Variants in TP53I11 observed in about 807,000 individuals in gnomAD.
The protein encoded by TP53I11 is tumor protein p53-inducible protein 11.
Under a neutral mutation model 23.3 loss-of-function variants are expected in TP53I11, and 9 were observed. The observed-to-expected ratio is 0.39, with a 90% CI of 0.23 to 0.67. TP53I11 has a LOEUF of 0.67. Ranked by LOEUF, TP53I11 falls within the 30% of genes least tolerant of loss-of-function variation. The pLI is 0.48. For synonymous variants in TP53I11, 100 were observed against 106.1 expected (o/e 0.94, Z 0.35); for missense variants, 170 against 255.2 (o/e 0.67, Z 2.27).
intron 1 of TP53I11, among the ~76,000 whole-genome samples, chr11:44,942,294 CCA>C (rs1388983872): frequency 2.8e-5 from 4 of 144,858 alleles, no homozygotes; most frequent in East Asian, 4.2e-4. Context: ...ACACCACATA[CCA>C]CACACCACAC....
intron 1 of TP53I11, among the ~76,000 whole-genome samples, chr11:44,942,041 A>AC (rs1334040968): frequency 6.0e-4 from 5 of 8,356 alleles, no homozygotes; most frequent in African/African-American, 9.1e-4. Flanking sequence ...CACCACACAC[A>AC]TACACACCAC....
chr11:44,940,024 C>G (rs1861602342), intron 1 of TP53I11, among the ~76,000 whole-genome samples: 2 of 152,244 alleles, frequency 1.3e-5, no homozygotes, highest in South Asian at 4.1e-4. Context: ...CAGGGCCTAA[C>G]CTTTCATCAC....
intron 1 of TP53I11, among the ~76,000 whole-genome samples, chr11:44,949,189 T>C (rs1303739307): frequency 1.3e-5 from 2 of 152,172 alleles, no homozygotes; most frequent in Non-Finnish European, 2.9e-5. Flanking sequence ...TTTTCTCTCC[T>C]TTCTCGAAGT....
chr11:44,938,756 G>A (rs917170961), intron 1 of TP53I11, among the ~76,000 whole-genome samples: 6 of 152,132 alleles, frequency 3.9e-5, no homozygotes, highest in East Asian at 1.9e-4. Context: ...TAGAAAAGGG[G>A]AGGGTCTGTC....
intron 6 of TP53I11, among the ~76,000 whole-genome samples, 198 bp downstream of exon 6, chr11:44,935,363 G>C (rs1376711216): frequency 6.6e-6 from 1 of 152,170 alleles, no homozygotes; most frequent in African/African-American, 2.4e-5. Context: ...GAAGCTACAG[G>C]CACGTGTGTT....
At chr11:44,941,573 T>C (rs1211573563) in intron 1 of TP53I11, among the ~76,000 whole-genome samples, 1 of 152,098 alleles carries the variant, frequency 6.6e-6, no homozygotes, top group East Asian at 1.9e-4. Context: ...AGGTGTCCTA[T>C]CTTATAGAGA....
At chr11:44,942,938 C>A (rs1733622911) in intron 1 of TP53I11, among the ~76,000 whole-genome samples, 1 of 152,220 alleles carries the variant, frequency 6.6e-6, no homozygotes, top group South Asian at 2.1e-4. Context: ...ACCTTTCCTC[C>A]CCTTCAGGGC....
intron 4 of TP53I11, 73 bp downstream of exon 4, chr11:44,937,231 C>A (rs1178345130): frequency 6.6e-7 from 1 of 1,517,690 alleles, no homozygotes; most frequent in Non-Finnish European, 8.9e-7. Flanking sequence ...GGAGGAGGCA[C>A]CTCTGGTGAG....
Position 44,936,285 on chromosome 11 carries a change from A to C in TP53I11, c.334+518T>G. The C allele has an allele frequency of 9.0e-7, 1 of 1,115,902 alleles. No individual in the cohort carries two copies. 69.1% of individuals were successfully genotyped at this position (1,115,902 alleles called of 1,614,324 possible). Reference sequence around the variant, plus strand: ...GAGCTCAGCCTTTATTCTGTAGGCAATAGGGAGCCATAGAATATTTCGTAG... The same window carrying C: ...GAGCTCAGCCTTTATTCTGTAGGCACTAGGGAGCCATAGAATATTTCGTAG... On this transcript the variant is annotated intron_variant, in intron 5 of 6. Coordinates refer to ENST00000525680, the MANE Select transcript of TP53I11 (RefSeq NM_006034.5). This position sits in a 1 kb window ranked among gnomAD's most constrained non-coding sequence, Gnocchi z 4.4.
At chr11:44,935,214 T>A (rs1328292876) in intron 6 of TP53I11, among the ~76,000 whole-genome samples, 197 bp from the exon 7 acceptor site, 1 of 152,168 alleles carries the variant, frequency 6.6e-6, no homozygotes, top group Non-Finnish European at 1.5e-5. Flanking sequence ...GTCTCCCATG[T>A]GGCAGGAACT....
intron 1 of TP53I11, chr11:44,947,045 G>A (rs1460499635): frequency 2.2e-6 from 1 of 456,254 alleles, no homozygotes; most frequent in African/African-American, 2.0e-5. Flanking sequence ...TTACTGTGCT[G>A]AAGAGGGCGA....
intron 1 of TP53I11, among the ~76,000 whole-genome samples, chr11:44,941,608 C>A (rs1176615931): frequency 6.6e-6 from 1 of 152,154 alleles, no homozygotes; most frequent in Non-Finnish European, 1.5e-5. Flanking sequence ...AAGCTGTAAT[C>A]TCCATGAAGC....
chr11:44,942,483 C>T (rs1300937717), intron 1 of TP53I11, among the ~76,000 whole-genome samples: 1 of 151,284 alleles, frequency 6.6e-6, no homozygotes, highest in Non-Finnish European at 1.5e-5. Flanking sequence ...GAGCATTCCC[C>T]TCTGCATCCC....
intron 1 of TP53I11, among the ~76,000 whole-genome samples, chr11:44,944,887 G>A (rs900853): frequency 0.41 from 61,922 of 152,050 alleles, 13,316 homozygotes; most frequent in South Asian, 0.66. Context: ...GGACTGAGGC[G>A]TCATTCCCAT....
In TP53I11 at chr11:44,934,783, C is replaced by T; in HGVS notation, c.*101G>A. 1 of 1,512,860 alleles carries T rather than the reference C, an allele frequency of 6.6e-7. No individual in the cohort carries two copies. The highest frequency in any genetic ancestry group is 9.0e-7 in the Non-Finnish European group (1 of 1,115,822). 93.7% of individuals were successfully genotyped at this position (1,512,860 alleles called of 1,614,324 possible). The stretch of plus-strand genomic sequence containing the variant: ...CTGCCTCCCTGGGGCAGGACTGGGG[C>T]AGGGCAGGGGACCCTCCTGCCTTCC... On this transcript the variant is annotated 3_prime_UTR_variant, in exon 7 of 7. Transcript: ENST00000525680.
At chr11:44,938,390 GC>G (rs1366481922) in intron 1 of TP53I11, 24 bp from the exon 2 acceptor site, 17 of 1,506,580 alleles carry the variant, frequency 1.1e-5, no homozygotes, top group Non-Finnish European at 1.5e-5. Context: ...CCGGCCTCAG[GC>G]CACAGTTCCT....
At position 44,945,462 on chromosome 11, in the gene TP53I11, G is replaced by A. The variant is rs555837420; in HGVS notation, c.-32+5215C>T. ...TTAACTGGACATCCTAAGAGAAGCT[G>A]ATGTGTGTGTGCAATGTGTGCGGTG... On this transcript the variant is annotated intron_variant, in intron 1 of 6. Coordinates refer to ENST00000525680, the MANE Select transcript of TP53I11 (RefSeq NM_006034.5). Among the ~76,000 whole-genome samples the A allele has an allele frequency of 5.9e-5, 9 of 152,206 alleles. No individual in the cohort carries two copies. The South Asian group carries it at 8.3e-4, about 14-fold the overall frequency.
intron 1 of TP53I11, among the ~76,000 whole-genome samples, chr11:44,941,867 G>A (rs570365182): frequency 6.6e-6 from 1 of 152,204 alleles, no homozygotes; most frequent in South Asian, 2.1e-4. Flanking sequence ...TGTGTCCACG[G>A]CCCACCTCCG....
At chr11:44,943,585 T>C (rs554338006) in intron 1 of TP53I11, among the ~76,000 whole-genome samples, 1 of 152,228 alleles carries the variant, frequency 6.6e-6, no homozygotes, top group Admixed American at 6.5e-5. Context: ...AGAAGGTCCC[T>C]GGGACACTCT....
Sources: gnomAD v4.1 joint callset for allele counts (sites outside exome capture counted in the v4.1 genomes callset) on GRCh38, gnomAD v4.1.1 for gene constraint, Gnocchi (gnomAD v3.1) non-coding constraint, MANE v1.5 for transcripts, NCBI Gene and HGNC (gene_info 2026-07-23, HGNC 2026-07-21) for gene names.